MPZL1: variants seen among roughly 807,000 people sequenced by gnomAD.
MPZL1 encodes the protein myelin protein zero-like protein 1.
MPZL1 carries 16 observed loss-of-function variants against 29.3 expected under a neutral mutation model. That is an observed-to-expected ratio of 0.55 (90% confidence interval 0.37 to 0.83). The LOEUF (loss-of-function observed/expected upper bound fraction) is 0.83. Ranked by LOEUF, MPZL1 falls within the 40% of genes least tolerant of loss-of-function variation. The pLI, the probability that MPZL1 is intolerant of heterozygous loss-of-function variation, is 0.00. For synonymous variants in MPZL1, 143 were observed against 132.0 expected, an observed-to-expected ratio of 1.08 and a Z score of -0.57; for missense variants, 279 against 332.9, an observed-to-expected ratio of 0.84 and a Z score of 1.26.
At chr1:167,736,169 T>C (rs2101752342) in intron 1 of MPZL1, among the ~76,000 whole-genome samples, 1 of 152,326 alleles carries the variant, frequency 6.6e-6, no homozygotes, top group Non-Finnish European at 1.5e-5. Flanking sequence ...CCTGTCTTCT[T>C]CAAGTCTTCA....
rs909996012 is a variant in MPZL1, at chr1:167,757,495, C to T, written c.92-8088C>T. Among the ~76,000 whole-genome samples, 5 of 152,196 alleles carry T rather than the reference C, an allele frequency of 3.3e-5. No homozygotes were observed. The East Asian group carries it at 9.6e-4, about 29-fold the overall frequency. On this transcript the variant is annotated intron_variant, in intron 1 of 5. Transcript: ENST00000359523. ...GTATTAAAATGGGCACCCATGTACT[C>T]ATGACCAGCCTAGGAAATAAAACAT... is the stretch of plus-strand genomic sequence containing the variant.
At chr1:167,765,115 A>G (rs933598265) in intron 1 of MPZL1, 5 of 152,288 alleles carry the variant, frequency 3.3e-5, no homozygotes, top group African/African-American at 9.6e-5. Context: ...CAACACTAAC[A>G]CAAATCCTAA....
At chr1:167,728,522 T>C (rs1380513237) in intron 1 of MPZL1, among the ~76,000 whole-genome samples, 1 of 152,184 alleles carries the variant, frequency 6.6e-6, no homozygotes, top group Non-Finnish European at 1.5e-5. Context: ...CATTGTCTTT[T>C]TCAATGCATG....
intron 5 of MPZL1, among the ~76,000 whole-genome samples, chr1:167,783,338 AT>A (rs34229525): frequency 3.3e-5 from 5 of 151,752 alleles, no homozygotes; most frequent in Non-Finnish European, 5.9e-5. Flanking sequence ...AAATAAGAAA[AT>A]TTTTTTTCTT....
chr1:167,764,524 T>G (rs1448472549), intron 1 of MPZL1, among the ~76,000 whole-genome samples: 1 of 152,232 alleles, frequency 6.6e-6, no homozygotes, highest in Non-Finnish European at 1.5e-5. Context: ...TGCATTTTTC[T>G]TCCTTAAGTT....
chr1:167,765,422 G>T (rs1661092036), intron 1 of MPZL1, 161 bp from the exon 2 acceptor site: 3 of 512,098 alleles, frequency 5.9e-6, no homozygotes, highest in Non-Finnish European at 1.0e-5. Flanking sequence ...GTGCTATTCT[G>T]ATTGAACTTA....
chr1:167,754,816 TA>T (rs1660833984), intron 1 of MPZL1, among the ~76,000 whole-genome samples: 1 of 152,166 alleles, frequency 6.6e-6, no homozygotes, highest in Admixed American at 6.5e-5. Flanking sequence ...CCTTACCAAT[TA>T]AATCAGAATT....
At chr1:167,779,178 A>C (rs1661437667) in intron 5 of MPZL1, among the ~76,000 whole-genome samples, 1 of 152,148 alleles carries the variant, frequency 6.6e-6, no homozygotes, top group African/African-American at 2.4e-5. Flanking sequence ...GCCACCGGAC[A>C]ATATCAAGCA....
intron 2 of MPZL1, among the ~76,000 whole-genome samples, chr1:167,769,089 T>C (rs1661186594): frequency 6.6e-6 from 1 of 152,200 alleles, no homozygotes. Flanking sequence ...TTTGGGAAAG[T>C]CACCAAGGTT....
intron 1 of MPZL1, among the ~76,000 whole-genome samples, chr1:167,728,349 T>C (rs2101745636): frequency 7.2e-6 from 1 of 138,016 alleles, no homozygotes; most frequent in South Asian, 2.3e-4. Context: ...TTCTTTTTTT[T>C]CTTTCTTTCT....
chr1:167,771,468 C>T (rs899109230), intron 2 of MPZL1, among the ~76,000 whole-genome samples: 1 of 152,106 alleles, frequency 6.6e-6, no homozygotes, highest in Non-Finnish European at 1.5e-5. Flanking sequence ...TTGACAAAAC[C>T]GCCATCGTCA....
At chr1:167,740,069 G>T (rs972013399) in intron 1 of MPZL1, among the ~76,000 whole-genome samples, 68 of 152,050 alleles carry the variant, frequency 4.5e-4, no homozygotes, top group African/African-American at 1.6e-3. Flanking sequence ...TGCCATCATT[G>T]CACTTACCTG....
At chr1:167,730,076 G>GTC (rs1429063656) in intron 1 of MPZL1, among the ~76,000 whole-genome samples, 5 of 152,100 alleles carry the variant, frequency 3.3e-5, no homozygotes, top group Admixed American at 2.6e-4. Context: ...CTTTTTAGCT[G>GTC]TCCTGGGGCA....
intron 1 of MPZL1, among the ~76,000 whole-genome samples, chr1:167,738,061 G>C (rs1260988172): frequency 6.6e-6 from 1 of 152,088 alleles, no homozygotes; most frequent in East Asian, 1.9e-4. Flanking sequence ...GAGTTGCTGG[G>C]ACTACAGGCG....
intron 1 of MPZL1, among the ~76,000 whole-genome samples, chr1:167,751,543 C>T (rs541079514): frequency 3.9e-5 from 6 of 151,918 alleles, no homozygotes; most frequent in East Asian, 1.9e-4. Flanking sequence ...TGGTGGCTCG[C>T]GCCTGTAATC....
chr1:167,761,866 A>C (rs1660996838), intron 1 of MPZL1, among the ~76,000 whole-genome samples: 1 of 152,096 alleles, frequency 6.6e-6, no homozygotes, highest in African/African-American at 2.4e-5. Flanking sequence ...GAGGCAAGAG[A>C]GCTGATTGTG....
chr1:167,749,016 T>A (rs1660705597), intron 1 of MPZL1, among the ~76,000 whole-genome samples: 1 of 152,194 alleles, frequency 6.6e-6, no homozygotes, highest in Non-Finnish European at 1.5e-5. Flanking sequence ...AGTTGTTTCA[T>A]ATCACCCTTC....
intron 5 of MPZL1, among the ~76,000 whole-genome samples, chr1:167,781,726 T>C (rs1661500852): frequency 6.6e-6 from 1 of 152,180 alleles, no homozygotes; most frequent in Non-Finnish European, 1.5e-5. Flanking sequence ...AGAAGAGCTG[T>C]GGAAAAATCA....
intron 2 of MPZL1, among the ~76,000 whole-genome samples, chr1:167,767,943 C>G (rs1467328812): frequency 6.6e-6 from 1 of 151,794 alleles, no homozygotes; most frequent in Non-Finnish European, 1.5e-5. Flanking sequence ...CCTTCTGCCC[C>G]CAAGAAATAA....
Sources: allele counts gnomAD v4.1 joint callset (sites outside exome capture counted in the v4.1 genomes callset), GRCh38; gene constraint gnomAD v4.1.1; transcripts MANE v1.5; gene names NCBI Gene and HGNC (gene_info 2026-07-23, HGNC 2026-07-21).